The following ERG variants were observed in gnomAD, a reference collection of about 807,000 sequenced individuals.
The protein encoded by ERG is transcriptional regulator ERG.
Under a neutral mutation model 55.3 loss-of-function variants are expected in ERG, and 9 were observed. The observed-to-expected ratio is 0.16, with a 90% confidence interval of 0.10 to 0.28. The LOEUF is 0.28. Ranked by LOEUF, ERG falls within the 10% of genes least tolerant of loss-of-function variation. ERG has a pLI of 1.00. For missense variants in ERG, 434 were observed against 631.6 expected (o/e 0.69, Z 3.35); for synonymous variants, 223 against 237.3 (o/e 0.94, Z 0.55).
At chr21:38,425,440 AAG>A (rs1189792281) in intron 2 of ERG, among the ~76,000 whole-genome samples, 1 of 151,972 alleles carries the variant, frequency 6.6e-6, no homozygotes, top group East Asian at 1.9e-4. Context: ...AGAGAAAGAA[AAG>A]AGAGAGAAAA....
chr21:38,417,055 C>G (rs919867991), intron 3 of ERG, among the ~76,000 whole-genome samples: 2 of 152,244 alleles, frequency 1.3e-5, no homozygotes, highest in Non-Finnish European at 2.9e-5. Context: ...CTCAATCACA[C>G]CTTCTCCTGT....
intron 6 of ERG, among the ~76,000 whole-genome samples, chr21:38,397,381 C>T (rs1235643902): frequency 3.3e-5 from 5 of 151,932 alleles, no homozygotes; most frequent in East Asian, 3.9e-4. Flanking sequence ...GGGCGGATCA[C>T]GAGGTCAAGA....
chr21:38,639,013 G>A (rs1231336884), intron 1 of ERG, among the ~76,000 whole-genome samples: 1 of 152,114 alleles, frequency 6.6e-6, no homozygotes, highest in African/African-American at 2.4e-5. Flanking sequence ...TCAGAACCCT[G>A]CAGCCAGGCT....
At chr21:38,610,747 G>A (rs916861005) in intron 1 of ERG, among the ~76,000 whole-genome samples, 1 of 152,214 alleles carries the variant, frequency 6.6e-6, no homozygotes, top group African/African-American at 2.4e-5. Context: ...GGGCTGGACT[G>A]TGCATCTTGG....
intron 1 of ERG, among the ~76,000 whole-genome samples, chr21:38,492,199 C>G (rs1280150908): frequency 6.6e-6 from 1 of 152,196 alleles, no homozygotes; most frequent in African/African-American, 2.4e-5. Context: ...AATCCTTTGT[C>G]CTTATCTGTA....
intron 1 of ERG, among the ~76,000 whole-genome samples, chr21:38,485,908 T>A (rs1007689181): frequency 4.6e-5 from 7 of 151,906 alleles, no homozygotes; most frequent in Non-Finnish European, 1.0e-4. Flanking sequence ...TGTACAGGTG[T>A]ATCATTTTTT....
intron 3 of ERG, among the ~76,000 whole-genome samples, chr21:38,414,710 C>T (rs1302887024): frequency 2.6e-5 from 4 of 152,152 alleles, no homozygotes; most frequent in East Asian, 1.9e-4. Flanking sequence ...CTGTGACTCC[C>T]GATCAAGGAC....
Position 38,434,437 on chromosome 21 carries a change from C to T in ERG, c.237-10876G>A, listed in dbSNP as rs1238773003. ...CCTGCTCTATTCACCTGTCCATGCT[C>T]ACCTCTAGGTTCTCTACAAGCCTTT... On this transcript the variant is annotated intron_variant, in intron 2 of 9. Transcript: ENST00000288319. Among the ~76,000 whole-genome samples the T allele has an allele frequency of 2.0e-5, 3 of 152,206 alleles. No homozygotes were observed. The East Asian group carries it at 5.8e-4, about 29-fold the overall frequency.
rs867981449 is a variant in ERG at position 38,452,024 on chromosome 21, C to T, written c.19-6403G>A. On this transcript the variant is annotated intron_variant, in intron 1 of 9. Coordinates refer to ENST00000288319, the MANE Select transcript of ERG (RefSeq NM_182918.4). ...AATGCAGCATCTAGCTTTGTGTTCA[C>T]GTTTTTCTAATTTAACACATTGCAA... is the stretch of plus-strand genomic sequence containing the variant. 2.0e-5 allele frequency among the ~76,000 whole-genome samples: 3 copies of T among 152,164 alleles called. No homozygotes were observed. In the South Asian group the frequency reaches 6.2e-4, roughly 31 times the overall value.
At chr21:38,372,592 A>C in the ERG span, among the ~76,000 whole-genome samples, 1 of 152,018 alleles carries the variant, frequency 6.6e-6, no homozygotes, top group African/African-American at 2.4e-5. Flanking sequence ...AAACGTTAGT[A>C]TATTTCCTAA....
chr21:38,591,576 C>T (rs755056809), intron 1 of ERG, among the ~76,000 whole-genome samples: 1 of 152,132 alleles, frequency 6.6e-6, no homozygotes, highest in Non-Finnish European at 1.5e-5. Flanking sequence ...CCTGCAATCC[C>T]AGCTACTCAG....
intron 1 of ERG, among the ~76,000 whole-genome samples, chr21:38,657,676 G>A (rs1295664434): frequency 6.6e-6 from 1 of 152,160 alleles, no homozygotes; most frequent in East Asian, 1.9e-4. Flanking sequence ...CATTGGAAAA[G>A]CCATTGGAAA....
At chr21:38,421,263 C>T (rs1398838866) in intron 3 of ERG, among the ~76,000 whole-genome samples, 1 of 152,144 alleles carries the variant, frequency 6.6e-6, no homozygotes, top group African/African-American at 2.4e-5. Context: ...ATACTAAGGA[C>T]GGTTTTCTCC....
intron 2 of ERG, among the ~76,000 whole-genome samples, chr21:38,563,623 A>G (rs1416591782): frequency 2.0e-5 from 3 of 152,260 alleles, no homozygotes; most frequent in Non-Finnish European, 1.5e-5. Flanking sequence ...CCAGAATACA[A>G]CAAAGTCCCT....
chr21:38,484,543 C>T (rs2059266351), intron 1 of ERG, among the ~76,000 whole-genome samples: 2 of 152,160 alleles, frequency 1.3e-5, no homozygotes, highest in South Asian at 2.1e-4. Flanking sequence ...TTTCTGGGCT[C>T]ACAAAAATGC....
intron 1 of ERG, among the ~76,000 whole-genome samples, chr21:38,486,107 A>G (rs1328619028): frequency 1.3e-5 from 2 of 149,332 alleles, no homozygotes; most frequent in East Asian, 2.0e-4. Context: ...CTAATTTTTT[A>G]TATTTTTAGT....
At chr21:38,457,477 CAG>C (rs2059001465) in intron 1 of ERG, among the ~76,000 whole-genome samples, 1 of 151,738 alleles carries the variant, frequency 6.6e-6, no homozygotes, top group South Asian at 2.1e-4. Flanking sequence ...TAAAAGTGTG[CAG>C]AGTCATTCAT....
At chr21:38,544,023 A>G (rs2059772137) in intron 2 of ERG, among the ~76,000 whole-genome samples, 3 of 152,222 alleles carry the variant, frequency 2.0e-5, no homozygotes, top group African/African-American at 7.2e-5. Flanking sequence ...TACAGCAATG[A>G]GCTGCCAAGC....
rs57797024 is a variant in ERG at position 38,538,344 on chromosome 21, T to C, written c.-41+37318A>G. Among the ~76,000 whole-genome samples, 934 of 152,152 alleles carry C rather than the reference T, an allele frequency of 6.1e-3. 16 individuals are homozygous for C. The highest frequency in any genetic ancestry group is 0.021 in the African/African-American group (858 of 41,508). ...GATAAATTTTATGTATATTTTACTATAACAAAAAGTCATAAAAATCAAACA... is the reference window on the plus strand; with the variant it reads ...GATAAATTTTATGTATATTTTACTACAACAAAAAGTCATAAAAATCAAACA... On this transcript the variant is annotated intron_variant, in intron 2 of 8. Coordinates refer to the ERG transcript ENST00000398897.
Sources: allele counts gnomAD v4.1 joint callset (sites outside exome capture counted in the v4.1 genomes callset), GRCh38; gene constraint gnomAD v4.1.1; transcripts MANE v1.5; gene names NCBI Gene and HGNC (gene_info 2026-07-23, HGNC 2026-07-21).